NCALD: variants seen among roughly 807,000 people sequenced by gnomAD.
The protein encoded by NCALD is neurocalcin-delta.
A neutral mutation model predicts 18.6 loss-of-function variants in NCALD; 10 were observed. That is an observed-to-expected ratio of 0.54 (90% CI 0.33 to 0.91). The LOEUF (loss-of-function observed/expected upper bound fraction) is 0.91. Among genes scored for constraint, NCALD ranks in the 40% least tolerant of loss-of-function variants. NCALD has a pLI of 0.03. For synonymous variants in NCALD, 88 were observed against 87.4 expected (o/e 1.01, Z -0.04); for missense variants, 184 against 247.6 (o/e 0.74, Z 1.72).
At chr8:102,047,300 T>G (rs1440929374) in intron 1 of NCALD, among the ~76,000 whole-genome samples, 1 of 152,180 alleles carries the variant, frequency 6.6e-6, no homozygotes, top group Non-Finnish European at 1.5e-5. Context: ...GTTATAGAGG[T>G]GATATCTGAC....
At chr8:101,915,925 T>C (rs773215936) in intron 2 of NCALD, 12 of 152,166 alleles carry the variant, frequency 7.9e-5, no homozygotes, top group Admixed American at 2.0e-4. Flanking sequence ...TGTCCTGAGG[T>C]CATTATCCCA....
At chr8:101,817,154 G>T (rs546097750) in intron 4 of NCALD, among the ~76,000 whole-genome samples, 1 of 152,200 alleles carries the variant, frequency 6.6e-6, no homozygotes, top group African/African-American at 2.4e-5. Context: ...CCCAAACCGA[G>T]CCCTTCTGAG....
At chr8:101,855,971 A>G (rs888779753) in intron 4 of NCALD, among the ~76,000 whole-genome samples, 2 of 152,168 alleles carry the variant, frequency 1.3e-5, no homozygotes, top group African/African-American at 4.8e-5. Context: ...GAACACTCAT[A>G]CATCTTGCTG....
chr8:102,073,529 T>C (rs1046291078), intron 1 of NCALD, among the ~76,000 whole-genome samples: 1 of 141,726 alleles, frequency 7.1e-6, no homozygotes, highest in African/African-American at 2.7e-5. Context: ...AAATATTTTA[T>C]GCTTTTTTTT....
At chr8:101,844,697 T>C (rs1264999161) in intron 4 of NCALD, among the ~76,000 whole-genome samples, 1 of 152,110 alleles carries the variant, frequency 6.6e-6, no homozygotes, top group Non-Finnish European at 1.5e-5. Context: ...TCAAGAGCAA[T>C]GTTCTTTCAG....
intron 2 of NCALD, among the ~76,000 whole-genome samples, chr8:101,962,818 A>C (rs754069101): frequency 1.3e-5 from 2 of 152,220 alleles, no homozygotes; most frequent in African/African-American, 2.4e-5. Context: ...GCAATAACTT[A>C]TAATTGACCC....
At chr8:101,891,649 G>A (rs1179385005) in intron 3 of NCALD, among the ~76,000 whole-genome samples, 1 of 152,190 alleles carries the variant, frequency 6.6e-6, no homozygotes, top group African/African-American at 2.4e-5. Context: ...CAGGCCAGTG[G>A]GTGCGTGCAC....
At chr8:101,865,145 A>C (rs139751636) in intron 4 of NCALD, among the ~76,000 whole-genome samples, 2 of 152,316 alleles carry the variant, frequency 1.3e-5, no homozygotes, top group Non-Finnish European at 2.9e-5. Context: ...AATATTCTAC[A>C]TCCAGAATAA....
chr8:101,991,363 T>G (rs1401681676), intron 2 of NCALD, among the ~76,000 whole-genome samples: 1 of 152,052 alleles, frequency 6.6e-6, no homozygotes, highest in Non-Finnish European at 1.5e-5. Flanking sequence ...AGGATGAGAA[T>G]TTGAGGGAAA....
chr8:102,092,731 T>A (rs1824964345), intron 1 of NCALD, among the ~76,000 whole-genome samples: 1 of 152,098 alleles, frequency 6.6e-6, no homozygotes, highest in African/African-American at 2.4e-5. Context: ...TACCCACACA[T>A]CCCCTTCAAC....
intron 2 of NCALD, among the ~76,000 whole-genome samples, chr8:101,980,881 C>T (rs1295193027): frequency 6.6e-6 from 1 of 152,164 alleles, no homozygotes; most frequent in African/African-American, 2.4e-5. Flanking sequence ...TCTGTCATCC[C>T]TAAGGCCCTT....
chr8:101,719,343 T>A lies in NCALD; in HGVS notation c.287A>T (p.Lys96Met), dbSNP rs753977375. ...IIALSVTSRG[K>M]LEQKLKWAFS... Reference sequence around the variant, plus strand: ...GGCCCATTTCAGCTTCTGCTCCAGCTTCCCCCTCGAAGTTACACTCAAGGC... The same window carrying A: ...GGCCCATTTCAGCTTCTGCTCCAGCATCCCCCTCGAAGTTACACTCAAGGC... The change falls in exon 2 of 4, where the codon AAG becomes ATG. Residue 96 changes from lysine to methionine, a missense_variant. Lys to Met is a moderately conservative substitution (Grantham distance 95). Coordinates refer to ENST00000220931, the MANE Select transcript of NCALD (RefSeq NM_032041.3). The A allele has an allele frequency of 6.2e-7, 1 of 1,614,214 alleles. No homozygotes were observed. The highest frequency in any genetic ancestry group is 2.2e-5 in the East Asian group (1 of 44,890).
intron 2 of NCALD, among the ~76,000 whole-genome samples, chr8:101,921,381 A>ATTATATTTAATTAATATATTT (rs1383189953): frequency 1.3e-5 from 2 of 151,928 alleles, no homozygotes; most frequent in Non-Finnish European, 2.9e-5. Context: ...TTTTTATTAA[A>ATTATATTTAATTAATATATTT]AAATTAATTA....
At chr8:101,937,571 C>T (rs1400133533) in intron 2 of NCALD, among the ~76,000 whole-genome samples, 1 of 152,166 alleles carries the variant, frequency 6.6e-6, no homozygotes, top group East Asian at 1.9e-4. Flanking sequence ...TTTTCTGTAT[C>T]CAATCTGTCA....
rs78340827 is a variant in NCALD at position 102,014,523 on chromosome 8, G to A, written c.-157+5714C>T. On this transcript the variant is annotated intron_variant, in intron 2 of 6. Transcript: ENST00000311028. ...AATCTCTTTATGAGAGAAAGCACCA[G>A]AAAATTCCCTGCTACAAGAAAGAGT... is the stretch of plus-strand genomic sequence containing the variant. 4.0e-3 allele frequency among the ~76,000 whole-genome samples: 614 copies of A among 152,012 alleles called. 4 individuals are homozygous for A. The highest frequency in any genetic ancestry group is 0.014 in the African/African-American group (573 of 41,430).
intron 2 of NCALD, among the ~76,000 whole-genome samples, chr8:102,017,244 T>C (rs1339615862): frequency 6.6e-6 from 1 of 151,994 alleles, no homozygotes; most frequent in East Asian, 1.9e-4. Flanking sequence ...CTCAAAAATT[T>C]AGACATCCAT....
At chr8:101,756,468 C>T (rs1810885728) in intron 1 of NCALD, among the ~76,000 whole-genome samples, 1 of 152,204 alleles carries the variant, frequency 6.6e-6, no homozygotes, top group South Asian at 2.1e-4. Flanking sequence ...TTCAACAGCG[C>T]CACTGTGTGG....
At chr8:101,831,660 C>T (rs1341736967) in intron 4 of NCALD, among the ~76,000 whole-genome samples, 2 of 152,136 alleles carry the variant, frequency 1.3e-5, no homozygotes, top group Admixed American at 6.5e-5. Flanking sequence ...TTCCTTGTGG[C>T]CCCTGAGAAT....
chr8:101,994,773 C>T (rs1285111811), intron 2 of NCALD, among the ~76,000 whole-genome samples: 1 of 152,226 alleles, frequency 6.6e-6, no homozygotes, highest in Non-Finnish European at 1.5e-5. Flanking sequence ...GTAGCTACTT[C>T]AGAGGTCTAC....
Sources: allele counts gnomAD v4.1 joint callset (sites outside exome capture counted in the v4.1 genomes callset), GRCh38; gene constraint gnomAD v4.1.1; transcripts MANE v1.5; gene names NCBI Gene and HGNC (gene_info 2026-07-23, HGNC 2026-07-21).